Variants in ADARB2 observed in about 807,000 individuals in gnomAD.
ADARB2 encodes inactive double-stranded RNA-specific editase B2.
In ADARB2, 25 loss-of-function variants were observed where a neutral mutation model predicts 62.2. The observed-to-expected ratio is 0.40, with a 90% CI of 0.29 to 0.56. ADARB2 has a LOEUF of 0.56. ADARB2 is among the 20% of genes least tolerant of loss of function. ADARB2 has a pLI of 0.43. For missense variants in ADARB2, 1,071 were observed against 1,077.4 expected, an observed-to-expected ratio of 0.99 and a Z score of 0.08; for synonymous variants, 572 against 500.8, an observed-to-expected ratio of 1.14 and a Z score of -1.90.
intron 1 of ADARB2, among the ~76,000 whole-genome samples, chr10:1,565,911 C>T (rs1452250453): frequency 2.0e-5 from 3 of 152,022 alleles, no homozygotes; most frequent in Non-Finnish European, 2.9e-5. Context: ...TGCACCCCAC[C>T]CTATCAGCCA....
chr10:1,473,242 G>A (rs2813411), intron 1 of ADARB2, among the ~76,000 whole-genome samples: 3 of 152,084 alleles, frequency 2.0e-5, no homozygotes, highest in Non-Finnish European at 4.4e-5. Flanking sequence ...AACTTGCCTC[G>A]GTCTCTTCTT....
intron 1 of ADARB2, among the ~76,000 whole-genome samples, chr10:1,547,314 G>A (rs1199012262): frequency 1.4e-5 from 2 of 141,892 alleles, no homozygotes; most frequent in African/African-American, 2.7e-5. Flanking sequence ...GTACTGTGTT[G>A]GGGGAGAGAG....
intron 1 of ADARB2, among the ~76,000 whole-genome samples, chr10:1,434,077 C>T (rs1378094125): frequency 2.6e-5 from 4 of 151,956 alleles, no homozygotes; most frequent in Non-Finnish European, 5.9e-5. Flanking sequence ...ACTATATTTT[C>T]AAGTATACGT....
intron 8 of ADARB2, among the ~76,000 whole-genome samples, chr10:1,194,125 G>C (rs1836875965): frequency 6.6e-6 from 1 of 152,016 alleles, no homozygotes. Context: ...GTGTCCCCTT[G>C]GCTAGGCTGT....
At chr10:1,518,381 T>G (rs1387757110) in intron 1 of ADARB2, among the ~76,000 whole-genome samples, 1 of 152,190 alleles carries the variant, frequency 6.6e-6, no homozygotes, top group Non-Finnish European at 1.5e-5. Context: ...CAACTGTACC[T>G]GTTTGCCTTG....
chr10:1,504,580 C>T (rs1343283622), intron 1 of ADARB2, among the ~76,000 whole-genome samples: 3 of 152,200 alleles, frequency 2.0e-5, no homozygotes, highest in African/African-American at 2.4e-5. Flanking sequence ...TCACATGGAG[C>T]TCCTGCCGTG....
intron 1 of ADARB2, among the ~76,000 whole-genome samples, chr10:1,414,629 G>A (rs1832786563): frequency 6.6e-6 from 1 of 152,212 alleles, no homozygotes; most frequent in Middle Eastern, 3.2e-3. Flanking sequence ...CTCATCACCT[G>A]TTTCTTTGTT....
At chr10:1,282,934 C>T (rs183422027) in intron 3 of ADARB2, among the ~76,000 whole-genome samples, 43 of 152,234 alleles carry the variant, frequency 2.8e-4, no homozygotes, top group African/African-American at 9.2e-4. Flanking sequence ...ATGACCAATC[C>T]GCACCTTCCC....
intron 1 of ADARB2, among the ~76,000 whole-genome samples, chr10:1,601,295 G>C (rs1251885704): frequency 6.6e-6 from 1 of 152,216 alleles, no homozygotes; most frequent in Non-Finnish European, 1.5e-5. Flanking sequence ...GATAGGCCAG[G>C]TGGGCCCCCA....
At chr10:1,578,103 C>T (rs771005656) in intron 1 of ADARB2, among the ~76,000 whole-genome samples, 8 of 152,210 alleles carry the variant, frequency 5.3e-5, no homozygotes, top group Non-Finnish European at 1.0e-4. Flanking sequence ...CCCAGCAAAG[C>T]AAGGCGGTGT....
intron 1 of ADARB2, among the ~76,000 whole-genome samples, chr10:1,440,950 G>T (rs1196915296): frequency 6.6e-6 from 1 of 152,178 alleles, no homozygotes; most frequent in Non-Finnish European, 1.5e-5. Flanking sequence ...AGACCTAGAG[G>T]AATGAATAGC....
At chr10:1,708,153 C>T (rs1201423198) in intron 1 of ADARB2, among the ~76,000 whole-genome samples, 1 of 152,096 alleles carries the variant, frequency 6.6e-6, no homozygotes, top group Non-Finnish European at 1.5e-5. Context: ...CCTTGGGGTT[C>T]CAGTTTCTCC....
At chr10:1,472,511 G>A (rs1033943742) in intron 1 of ADARB2, among the ~76,000 whole-genome samples, 1 of 152,218 alleles carries the variant, frequency 6.6e-6, no homozygotes, top group Non-Finnish European at 1.5e-5. Flanking sequence ...CGGGCCAGGA[G>A]AGTCTTCCTC....
intron 6 of ADARB2, among the ~76,000 whole-genome samples, chr10:1,217,881 G>T: frequency 6.6e-6 from 1 of 152,210 alleles, no homozygotes; most frequent in South Asian, 2.1e-4. Context: ...GTGACGGAGC[G>T]TCTGGTGGGT....
intron 3 of ADARB2, among the ~76,000 whole-genome samples, chr10:1,280,388 T>C (rs1831359225): frequency 6.6e-6 from 1 of 152,194 alleles, no homozygotes; most frequent in Non-Finnish European, 1.5e-5. Flanking sequence ...CCTCATAGGC[T>C]TTATCTAGAA....
chr10:1,363,017 G>T lies in ADARB2; in HGVS notation c.1077+11C>A, dbSNP rs1832274871. 7.4e-6 allele frequency: 10 copies of T among 1,351,134 alleles called. No homozygotes were observed. The highest frequency in any genetic ancestry group is 3.2e-5 in the Admixed American group (1 of 31,554). 83.7% of individuals were successfully genotyped at this position (1,351,134 alleles called of 1,614,324 possible). A position where few individuals can be genotyped will look rare whatever the true frequency, so the allele number is the denominator to read the frequency against. ...GCCGCCCGTTCCCCCTGCACCCGCC[G>T]CGCCCCTCACCTGCGGCATTGGCGT... is the stretch of plus-strand genomic sequence containing the variant. On this transcript the variant is annotated intron_variant, in intron 3 of 9. Coordinates refer to ENST00000381312, the MANE Select transcript of ADARB2 (RefSeq NM_018702.4).
chr10:1,510,120 CTTTCTTTCTTTCTTTCTTTCTT>C (rs1831911903), intron 1 of ADARB2, among the ~76,000 whole-genome samples: 5 of 113,222 alleles, frequency 4.4e-5, no homozygotes, highest in Non-Finnish European at 7.2e-5. Flanking sequence ...CTCTTTCTTT[CTTTCTTTCTTTCTTTCTTTCTT>C]TCTTTCTTTC....
intron 1 of ADARB2, among the ~76,000 whole-genome samples, chr10:1,565,958 C>G (rs1353056095): frequency 6.6e-6 from 1 of 151,508 alleles, no homozygotes; most frequent in Non-Finnish European, 1.5e-5. Flanking sequence ...CAAAGGAAGC[C>G]AGGATTGCAG....
chr10:1,676,200 A>C (rs1264282925), intron 1 of ADARB2: 2 of 237,326 alleles, frequency 8.4e-6, no homozygotes, highest in Admixed American at 1.3e-4. Context: ...AGAGAGGCTC[A>C]AAGTCCCACT....
Sources: allele counts gnomAD v4.1 joint callset (sites outside exome capture counted in the v4.1 genomes callset), GRCh38; gene constraint gnomAD v4.1.1; transcripts MANE v1.5; gene names NCBI Gene and HGNC (gene_info 2026-07-23, HGNC 2026-07-21).